Variants in SLC25A26 observed in about 807,000 individuals in gnomAD.
SLC25A26 encodes mitochondrial S-adenosylmethionine carrier protein.
SLC25A26 carries 36 observed loss-of-function variants against 37.8 expected under a neutral mutation model. The observed-to-expected ratio is 0.95, with a 90% CI of 0.73 to 1.26. The LOEUF is 1.26. SLC25A26 is among the 50% of genes most tolerant of loss of function. The probability of loss-of-function intolerance (pLI) is 0.00; values close to 1 mark genes in which losing one functional copy is unlikely to be tolerated. For missense variants in SLC25A26, 390 were observed against 331.1 expected (o/e 1.18, Z -1.38); for synonymous variants, 129 against 122.5 (o/e 1.05, Z -0.35).
intron 1 of SLC25A26, among the ~76,000 whole-genome samples, chr3:66,202,065 A>G (rs1194247251): frequency 6.6e-6 from 1 of 152,210 alleles, no homozygotes; most frequent in Non-Finnish European, 1.5e-5. Flanking sequence ...ACACACATGT[A>G]TGTTTATTGC....
intron 1 of SLC25A26, among the ~76,000 whole-genome samples, chr3:66,172,882 A>AG (rs2070521476): frequency 1.3e-5 from 2 of 152,142 alleles, no homozygotes; most frequent in African/African-American, 4.8e-5. Flanking sequence ...ATAATGGATG[A>AG]GGGGCCCACC....
chr3:66,370,011 T>TA (rs1228023210), intron 8 of SLC25A26, among the ~76,000 whole-genome samples: 1 of 152,164 alleles, frequency 6.6e-6, no homozygotes, highest in Non-Finnish European at 1.5e-5. Flanking sequence ...GCCATACGTA[T>TA]AACATACCTG....
chr3:66,252,006 T>C (rs1466050571), intron 3 of SLC25A26, among the ~76,000 whole-genome samples: 8 of 152,208 alleles, frequency 5.3e-5, no homozygotes, highest in African/African-American at 1.9e-4. Context: ...CAGTATGATT[T>C]TCATATAGGT....
At chr3:66,209,968 A>G (rs2071262357) in intron 1 of SLC25A26, among the ~76,000 whole-genome samples, 1 of 107,736 alleles carries the variant, frequency 9.3e-6, no homozygotes, top group Non-Finnish European at 1.8e-5. Flanking sequence ...CCTGGGGGAA[A>G]GAGTACCCTG....
At chr3:66,377,341 G>A (rs1447437425) in intron 9 of SLC25A26, among the ~76,000 whole-genome samples, 3 of 152,110 alleles carry the variant, frequency 2.0e-5, no homozygotes, top group Non-Finnish European at 4.4e-5. Flanking sequence ...ATGCAACTGA[G>A]TCAGTGGGTG....
In SLC25A26 at chr3:66,143,547, C is replaced by T. The variant is rs192278736; in HGVS notation, c.-354+9563C>T. ...CAATAAACAATAAGCAGGAATGGTA[C>T]CTAATTTGTGATGCAAAATGCAAAT... On this transcript the variant is annotated intron_variant, in intron 1 of 10. Coordinates refer to the SLC25A26 transcript ENST00000676754. Among the ~76,000 whole-genome samples, 5 of 152,048 alleles carry T rather than the reference C, an allele frequency of 3.3e-5. No individual in the cohort carries two copies. In the East Asian group the frequency reaches 9.7e-4, roughly 29 times the overall value.
intron 3 of SLC25A26, among the ~76,000 whole-genome samples, chr3:66,254,188 G>C (rs782345228): frequency 6.6e-6 from 1 of 152,156 alleles, no homozygotes; most frequent in Admixed American, 6.5e-5. Flanking sequence ...AATTGGTTTT[G>C]TCAACAGCTG....
chr3:66,219,419 T>C (rs2071412048), upstream of SLC25A26, among the ~76,000 whole-genome samples: 1 of 152,170 alleles, frequency 6.6e-6, no homozygotes, highest in Non-Finnish European at 1.5e-5. Flanking sequence ...TCAGTTGACT[T>C]TGAGTTAATA....
intron 1 of SLC25A26, among the ~76,000 whole-genome samples, chr3:66,188,763 C>T (rs1455011882): frequency 6.6e-6 from 1 of 152,032 alleles, no homozygotes; most frequent in Non-Finnish European, 1.5e-5. Flanking sequence ...TTAGCCCCAC[C>T]CCCACCACGA....
chr3:66,365,354 T>G (rs532999451), intron 7 of SLC25A26, among the ~76,000 whole-genome samples: 1 of 152,312 alleles, frequency 6.6e-6, no homozygotes, highest in South Asian at 2.1e-4. Context: ...TTGGCGCAAA[T>G]ATCCAAAAAT....
At position 66,185,463 on chromosome 3, in the gene SLC25A26, A is replaced by G. The variant is rs1027065497; in HGVS notation, c.-353-35279A>G. ...CTACTTTCAATTCTTCTGTATATAT[A>G]CCTAGAAGTAGAATTGCTGGATCAT... is the stretch of plus-strand genomic sequence containing the variant. On this transcript the variant is annotated intron_variant, in intron 1 of 10. Coordinates refer to the SLC25A26 transcript ENST00000676754. 1.4e-4 allele frequency among the ~76,000 whole-genome samples: 21 copies of G among 152,218 alleles called. No homozygotes were observed. The South Asian group carries it at 1.7e-3, about 12-fold the overall frequency.
At chr3:66,284,913 TAAAAG>T (rs140211772) in intron 5 of SLC25A26, among the ~76,000 whole-genome samples, 96 of 152,330 alleles carry the variant, frequency 6.3e-4, no homozygotes, top group African/African-American at 2.0e-3. Context: ...TTTTTCAACA[TAAAAG>T]GATAGGAAAG....
At chr3:66,175,157 ACAC>A (rs200541829) in intron 1 of SLC25A26, among the ~76,000 whole-genome samples, 10,898 of 138,222 alleles carry the variant, frequency 0.079, 623 homozygotes, top group South Asian at 0.21. Context: ...ACACACACAC[ACAC>A]ATTATATGTA....
At chr3:66,151,169 G>A (rs1228541077) in intron 1 of SLC25A26, among the ~76,000 whole-genome samples, 2 of 152,152 alleles carry the variant, frequency 1.3e-5, no homozygotes, top group Non-Finnish European at 2.9e-5. Flanking sequence ...AGTGCAGAGT[G>A]ATGACGATGT....
Position 66,233,881 on chromosome 3 carries a change from A to C in SLC25A26, c.34-2663A>C, listed in dbSNP as rs916110751. Among the ~76,000 whole-genome samples, 279 of 152,346 alleles carry C rather than the reference A, an allele frequency of 1.8e-3. 1 individual carries two copies. Among genetic ancestry groups the C allele is most frequent in the Non-Finnish European group, 4.1e-4 (28 of 68,036 alleles). ...AAGGGTTAGAGAATCAATACATGTA[A>C]GGTAGCCAACTAGATTGAAAGAGTA... On this transcript the variant is annotated intron_variant, in intron 1 of 9. Coordinates refer to ENST00000354883, the MANE Select transcript of SLC25A26 (RefSeq NM_001379210.1).
chr3:66,367,498 A>C (rs1464118541), intron 7 of SLC25A26, among the ~76,000 whole-genome samples: 1 of 152,202 alleles, frequency 6.6e-6, no homozygotes, highest in African/African-American at 2.4e-5. Context: ...TAGAACTGGG[A>C]TTTAAGCGTT....
At chr3:66,241,671 G>T (rs36169553) in intron 2 of SLC25A26, among the ~76,000 whole-genome samples, 7,154 of 152,256 alleles carry the variant, frequency 0.047, 392 homozygotes, top group Admixed American at 0.15. Context: ...TGCCAAGTTT[G>T]AAAGAATTGG....
At chr3:66,354,054 A>G (rs2107772622) in intron 6 of SLC25A26, among the ~76,000 whole-genome samples, 1 of 152,362 alleles carries the variant, frequency 6.6e-6, no homozygotes, top group South Asian at 2.1e-4. Context: ...TCACAGCTAT[A>G]AAGAGTTTTC....
intron 5 of SLC25A26, among the ~76,000 whole-genome samples, chr3:66,344,146 T>G (rs1472450136): frequency 6.6e-6 from 1 of 152,192 alleles, no homozygotes; most frequent in Non-Finnish European, 1.5e-5. Context: ...GGCCATCATT[T>G]GCTGTAGCTG....
Sources: gnomAD v4.1 joint callset for allele counts (sites outside exome capture counted in the v4.1 genomes callset) on GRCh38, gnomAD v4.1.1 for gene constraint, MANE v1.5 for transcripts, NCBI Gene and HGNC (gene_info 2026-07-23, HGNC 2026-07-21) for gene names.